N4BP2: variants seen among roughly 807,000 people sequenced by gnomAD.
N4BP2 encodes the protein NEDD4 binding protein 2.
A neutral mutation model predicts 152.8 loss-of-function variants in N4BP2; 91 were observed. The observed-to-expected ratio is 0.60, with a 90% CI of 0.50 to 0.71. N4BP2 has a LOEUF of 0.71. Ranked by LOEUF, N4BP2 falls within the 30% of genes least tolerant of loss-of-function variation. N4BP2 has a pLI of 0.00. For synonymous variants in N4BP2, 646 were observed against 705.3 expected (o/e 0.92, Z 1.33); for missense variants, 1,923 against 2,059.1 (o/e 0.93, Z 1.28).
At chr4:40,086,923 T>C (rs1037432835) in intron 2 of N4BP2, among the ~76,000 whole-genome samples, 2 of 151,894 alleles carry the variant, frequency 1.3e-5, no homozygotes, top group South Asian at 4.2e-4. Context: ...TTTTAAAAGA[T>C]TTTTTGTAGA....
At chr4:40,060,144 G>C (rs1047518038) in intron 1 of N4BP2, among the ~76,000 whole-genome samples, 2 of 150,598 alleles carry the variant, frequency 1.3e-5, no homozygotes, top group Non-Finnish European at 3.0e-5. Context: ...CTTGGGAAGA[G>C]TATTTTACTT....
intron 16 of N4BP2, among the ~76,000 whole-genome samples, chr4:40,147,514 C>A (rs562745926): frequency 6.7e-6 from 1 of 149,278 alleles, no homozygotes; most frequent in Non-Finnish European, 1.5e-5. Context: ...CCCCACCTCC[C>A]GGACGGGGCG....
the N4BP2 span, among the ~76,000 whole-genome samples, chr4:40,179,889 C>T: frequency 4.0e-5 from 6 of 151,530 alleles, no homozygotes; most frequent in South Asian, 2.1e-4. Flanking sequence ...CTCTGCCTCC[C>T]GAGTAGCTGG....
At chr4:40,139,828 CT>C (rs1209677713) in intron 14 of N4BP2, among the ~76,000 whole-genome samples, 162 of 97,756 alleles carry the variant, frequency 1.7e-3, no homozygotes, top group East Asian at 2.7e-3. Context: ...ATTTTTTTTT[CT>C]TTTTTTTTTT....
intron 13 of N4BP2, among the ~76,000 whole-genome samples, chr4:40,134,605 C>G (rs1719188118): frequency 6.6e-6 from 1 of 152,112 alleles, no homozygotes; most frequent in Non-Finnish European, 1.5e-5. Context: ...GGGCTGGAGA[C>G]TGACTTCCAG....
At chr4:40,142,899 A>G in intron 15 of N4BP2, 38 bp downstream of exon 15, 1 of 1,554,200 alleles carries the variant, frequency 6.4e-7, no homozygotes, top group Non-Finnish European at 8.9e-7. Context: ...TTTGTCAGTT[A>G]TAATAACTAA....
At chr4:40,132,438 A>G (rs1437101130) in intron 13 of N4BP2, among the ~76,000 whole-genome samples, 1 of 152,178 alleles carries the variant, frequency 6.6e-6, no homozygotes, top group Non-Finnish European at 1.5e-5. Flanking sequence ...AGAGATTTAT[A>G]AATGAGCTAG....
intron 14 of N4BP2, among the ~76,000 whole-genome samples, chr4:40,138,741 A>C (rs988406237): frequency 6.6e-6 from 1 of 152,216 alleles, no homozygotes; most frequent in African/African-American, 2.4e-5. Flanking sequence ...CTGGACTCCT[A>C]ATTCTATTCC....
intron 12 of N4BP2, among the ~76,000 whole-genome samples, chr4:40,127,808 C>T (rs995343607): frequency 2.8e-4 from 43 of 152,062 alleles, no homozygotes; most frequent in African/African-American, 1.0e-3. Flanking sequence ...CTACAGGTGC[C>T]TGCCACCGCG....
chr4:40,125,930 TA>T (rs1468193329), intron 11 of N4BP2, among the ~76,000 whole-genome samples: 1 of 151,690 alleles, frequency 6.6e-6, no homozygotes, highest in Non-Finnish European at 1.5e-5. Context: ...ATTACTCTTT[TA>T]AAATATTGCT....
chr4:40,143,644 ACTT>A (rs1720253180), intron 15 of N4BP2, among the ~76,000 whole-genome samples: 1 of 152,190 alleles, frequency 6.6e-6, no homozygotes, highest in Admixed American at 6.5e-5. Flanking sequence ...CATATGGGTT[ACTT>A]CTTTGTGATT....
At chr4:40,116,860 A>C (rs1008456095) in intron 7 of N4BP2, among the ~76,000 whole-genome samples, 9 of 152,116 alleles carry the variant, frequency 5.9e-5, no homozygotes, top group Non-Finnish European at 1.5e-5. Flanking sequence ...CTATACTGAC[A>C]GTTATTTTCT....
chr4:40,134,528 G>A (rs1719179818), intron 13 of N4BP2, among the ~76,000 whole-genome samples: 1 of 152,184 alleles, frequency 6.6e-6, no homozygotes, highest in Admixed American at 6.5e-5. Flanking sequence ...AAGGGTAGGT[G>A]AGCTCAGTTA....
the N4BP2 span, among the ~76,000 whole-genome samples, chr4:40,170,216 G>T: frequency 6.6e-6 from 1 of 151,916 alleles, no homozygotes; most frequent in African/African-American, 2.4e-5. Flanking sequence ...TTTTTAGGGG[G>T]CCTACTTACT....
intron 16 of N4BP2, among the ~76,000 whole-genome samples, chr4:40,147,872 G>A (rs1452706298): frequency 2.7e-5 from 4 of 146,250 alleles, no homozygotes; most frequent in South Asian, 2.2e-4. Flanking sequence ...AGGCAGAGGC[G>A]CTCCTCACAT....
intron 1 of N4BP2, among the ~76,000 whole-genome samples, chr4:40,067,942 A>G (rs1711716890): frequency 1.3e-5 from 2 of 152,056 alleles, no homozygotes; most frequent in Non-Finnish European, 2.9e-5. Context: ...GACTTCCTAA[A>G]GTGCTGGGAT....
chr4:40,083,082 GT>G (rs1713564303), intron 2 of N4BP2: 2 of 196,232 alleles, frequency 1.0e-5, no homozygotes, highest in Non-Finnish European at 2.1e-5. Context: ...CCCTGTGCCT[GT>G]TCTGTATTAT....
the N4BP2 span, among the ~76,000 whole-genome samples, chr4:40,186,594 C>T: frequency 1.6e-4 from 24 of 152,336 alleles, no homozygotes; most frequent in Non-Finnish European, 2.8e-4. Flanking sequence ...CTAGAGGTTG[C>T]CTCTATAAAC....
At position 40,149,707 on chromosome 4, in the gene N4BP2, A is replaced by G. The variant is rs184574961; in HGVS notation, c.5144-3073A>G. Among the ~76,000 whole-genome samples, 606 of 152,140 alleles carry G rather than the reference A, an allele frequency of 4.0e-3. 4 individuals carry two copies. Among genetic ancestry groups the G allele is most frequent in the African/African-American group, 0.014 (590 of 41,506 alleles). The stretch of plus-strand genomic sequence containing the variant: ...CAGGAGATCAAGACCATCCTGGCTA[A>G]CACAGTGAAACCCCGTCTCTACTAA... On this transcript the variant is annotated intron_variant, in intron 16 of 17. Transcript: ENST00000261435.
Sources: allele counts gnomAD v4.1 joint callset (sites outside exome capture counted in the v4.1 genomes callset), GRCh38; gene constraint gnomAD v4.1.1; transcripts MANE v1.5; gene names NCBI Gene and HGNC (gene_info 2026-07-23, HGNC 2026-07-21).